RASSF2: variants seen among roughly 807,000 people sequenced by gnomAD.
RASSF2 encodes ras association domain-containing protein 2.
Under a neutral mutation model 46.3 loss-of-function variants are expected in RASSF2, and 34 were observed. The ratio of observed to expected loss-of-function variants is 0.73; its 90% CI spans 0.56 to 0.98. The LOEUF is 0.98. RASSF2 is among the 50% of genes least tolerant of loss of function. The pLI is 0.00. For missense variants in RASSF2, 364 were observed against 431.2 expected (o/e 0.84, Z 1.38); for synonymous variants, 158 against 162.5 (o/e 0.97, Z 0.21).
At position 4,783,410 on chromosome 20, in the gene RASSF2, A is replaced by G. The variant is rs1239267345; in HGVS notation, c.*863T>C. The G allele has an allele frequency of 2.0e-5, 3 of 152,368 alleles. No individual in the cohort carries two copies. The highest frequency in any genetic ancestry group is 7.2e-5 in the African/African-American group (3 of 41,446). 9.4% of individuals were successfully genotyped at this position (152,368 alleles called of 1,614,324 possible). A position where few individuals can be genotyped will look rare whatever the true frequency, so the allele number is the denominator to read the frequency against. ...CAGCGAGATCTTTGTTTCTTGAGAC[A>G]TTTCCTTCCACTCAAGGAAGCGCCA... On this transcript the variant is annotated 3_prime_UTR_variant, in exon 12 of 12. Transcript: ENST00000379400.
intron 2 of RASSF2, among the ~76,000 whole-genome samples, chr20:4,818,094 C>A (rs1406730398): frequency 2.0e-5 from 3 of 151,986 alleles, no homozygotes; most frequent in Non-Finnish European, 2.9e-5. Context: ...TGGTGAAACC[C>A]CATATCTACT....
intron 2 of RASSF2, among the ~76,000 whole-genome samples, chr20:4,806,172 G>A (rs928480488): frequency 6.6e-6 from 1 of 152,216 alleles, no homozygotes; most frequent in African/African-American, 2.4e-5. Flanking sequence ...GGAAGCCCAG[G>A]AAACAAGGGG....
At chr20:4,792,653 G>T (rs764470638) in intron 5 of RASSF2, 26 bp from the exon 6 acceptor site, 5 of 1,611,660 alleles carry the variant, frequency 3.1e-6, no homozygotes, top group Non-Finnish European at 4.2e-6. Context: ...ACAAAGGGGA[G>T]GGGGGAGACT....
intron 2 of RASSF2, among the ~76,000 whole-genome samples, chr20:4,804,341 T>C: frequency 7.0e-6 from 1 of 142,968 alleles, no homozygotes; most frequent in East Asian, 2.1e-4. Flanking sequence ...GTCGAGCTAG[T>C]GAGAAAGCTT....
chr20:4,797,932 T>C, intron 4 of RASSF2, 78 bp downstream of exon 4: 1 of 1,585,970 alleles, frequency 6.3e-7, no homozygotes. Flanking sequence ...TCTTGGGACC[T>C]CAGGGACCTT....
Position 4,782,606 on chromosome 20 carries a change from G to C in RASSF2, c.*1667C>G, listed in dbSNP as rs769056777. On this transcript the variant is annotated 3_prime_UTR_variant, in exon 12 of 12. Coordinates refer to ENST00000379400, the MANE Select transcript of RASSF2 (RefSeq NM_014737.3). ...CGCATGCCATCTTTCTGCAGTCTAC[G>C]TTAAGACCACAGCTGTGAGCCTTCT... 6.6e-6 allele frequency: 1 copy of C among 152,236 alleles called. No homozygotes were observed. The highest frequency in any genetic ancestry group is 1.5e-5 in the Non-Finnish European group (1 of 68,092). 9.4% of individuals were successfully genotyped at this position (152,236 alleles called of 1,614,324 possible).
chr20:4,797,479 A>T (rs909881547), intron 4 of RASSF2, among the ~76,000 whole-genome samples: 1 of 152,184 alleles, frequency 6.6e-6, no homozygotes, highest in Admixed American at 6.5e-5. Context: ...AGAGAAATGG[A>T]TACAGGATGA....
Position 4,812,079 on chromosome 20 carries a change from C to G in RASSF2, c.-33+10250G>C, listed in dbSNP as rs951275139. ...ACAGGAAACCCCAGCCCCATTGCAC[C>G]ACACGAGGAAGGAGACTTGAGCTGC... On this transcript the variant is annotated intron_variant, in intron 2 of 11. Coordinates refer to ENST00000379400, the MANE Select transcript of RASSF2 (RefSeq NM_014737.3). The surrounding 1 kb of genome is among the most constrained non-coding windows in gnomAD (Gnocchi z 4.0). 2.0e-5 allele frequency among the ~76,000 whole-genome samples: 3 copies of G among 152,152 alleles called. No homozygotes were observed. The highest frequency in any genetic ancestry group is 4.4e-5 in the Non-Finnish European group (3 of 68,014).
intron 2 of RASSF2, among the ~76,000 whole-genome samples, chr20:4,818,202 G>A (rs1027581247): frequency 3.3e-5 from 5 of 152,084 alleles, no homozygotes; most frequent in Non-Finnish European, 7.4e-5. Context: ...GGGAGGTAGA[G>A]GTTGTAGTGA....
At chr20:4,806,088 T>C (rs1927320849) in intron 2 of RASSF2, among the ~76,000 whole-genome samples, 1 of 152,110 alleles carries the variant, frequency 6.6e-6, no homozygotes, top group Non-Finnish European at 1.5e-5. Context: ...AGGGTTCCCA[T>C]TAACCCAGTT....
intron 4 of RASSF2, among the ~76,000 whole-genome samples, chr20:4,796,794 T>C (rs1926390772): frequency 6.6e-6 from 1 of 152,250 alleles, no homozygotes; most frequent in Non-Finnish European, 1.5e-5. Context: ...AGGAAAGCTA[T>C]TTAAGAACTA....
rs144840764 is a variant in RASSF2 at position 4,786,550 on chromosome 20, T to C, written c.814-222A>G. Among the ~76,000 whole-genome samples, 183 of 152,336 alleles carry C rather than the reference T, an allele frequency of 1.2e-3. 2 individuals carry two copies. The highest frequency in any genetic ancestry group is 0.011 in the Admixed American group (169 of 15,310). On this transcript the variant is annotated intron_variant, in intron 10 of 11. Transcript: ENST00000379400. ...TGACACCATCTCATAACTTCTCATT[T>C]TTCATGTCATGCATTCAATTCATGA...
At chr20:4,800,934 G>GT (rs1926813377) in intron 3 of RASSF2, 38 bp downstream of exon 3, 2 of 1,543,740 alleles carry the variant, frequency 1.3e-6, no homozygotes, top group African/African-American at 2.7e-5. Flanking sequence ...GCACGGGACT[G>GT]GTCACTGAGG....
In RASSF2 at chr20:4,795,721, G is replaced by C. The variant is rs6052886; in HGVS notation, c.287+94C>G. 206,649 of 1,459,772 alleles carry C rather than the reference G, an allele frequency of 0.14. 15,926 individuals are homozygous for C. The highest frequency in any genetic ancestry group is 0.28 in the East Asian group (11,004 of 39,012). 90.4% of individuals were successfully genotyped at this position (1,459,772 alleles called of 1,614,324 possible). ...TAGTAGGAGGAGGAGCCAGGGTCAG[G>C]GCTGGCTGGAAGAAGGCAGCATTTA... is the stretch of plus-strand genomic sequence containing the variant. On this transcript the variant is annotated intron_variant, in intron 5 of 11. Coordinates refer to ENST00000379400, the MANE Select transcript of RASSF2 (RefSeq NM_014737.3). The surrounding 1 kb of genome is among the most constrained non-coding windows in gnomAD (Gnocchi z 4.0).
At chr20:4,819,215 G>A (rs1475812335) in intron 2 of RASSF2, among the ~76,000 whole-genome samples, 3 of 151,984 alleles carry the variant, frequency 2.0e-5, no homozygotes, top group Non-Finnish European at 4.4e-5. Context: ...CACCCACCTC[G>A]GCCTCCCAAA....
At chr20:4,785,130 CA>C (rs1344324004) in intron 11 of RASSF2, among the ~76,000 whole-genome samples, 1 of 80,542 alleles carries the variant, frequency 1.2e-5, no homozygotes, top group Middle Eastern at 0.014. Context: ...GCCAACATGG[CA>C]AAACCCCGTC....
intron 4 of RASSF2, among the ~76,000 whole-genome samples, chr20:4,797,645 T>C (rs1926461289): frequency 6.6e-6 from 1 of 152,136 alleles, no homozygotes; most frequent in South Asian, 2.1e-4. Context: ...TGGGCCCAAA[T>C]GTTTAAACAC....
At position 4,784,121 on chromosome 20, in the gene RASSF2, C is replaced by T; in HGVS notation, c.*152G>A. 1.4e-6 allele frequency: 1 copy of T among 734,894 alleles called. No individual in the cohort carries two copies. Among genetic ancestry groups the T allele is most frequent in the Non-Finnish European group, 2.4e-6 (1 of 424,678 alleles). The allele number at this position is 734,894 out of a possible 1,614,324, so 45.5% of individuals were successfully genotyped here. A position where few individuals can be genotyped will look rare whatever the true frequency, so the allele number is the denominator to read the frequency against. ...GGGATAGGGAGCTGTCTGCTGACTT[C>T]TACATCCAGCTCCAGGTAGCAAATG... On this transcript the variant is annotated 3_prime_UTR_variant, in exon 12 of 12. Transcript: ENST00000379400.
chr20:4,790,683 C>A lies in RASSF2; in HGVS notation c.377-72G>T. 1 of 1,287,652 alleles carries A rather than the reference C, an allele frequency of 7.8e-7. No individual in the cohort carries two copies. The highest frequency in any genetic ancestry group is 1.0e-6 in the Non-Finnish European group (1 of 954,874). The allele number at this position is 1,287,652 out of a possible 1,614,324, so 79.8% of individuals were successfully genotyped here. ...ATGGCACATGGTCCCCAATTTGTGG[C>A]CAGTGCGACAGCACCCACTGTCTCC... On this transcript the variant is annotated intron_variant, in intron 6 of 11. Transcript: ENST00000379400. The surrounding 1 kb of genome is among the most constrained non-coding windows in gnomAD (Gnocchi z 4.3).
Sources: gnomAD v4.1 joint callset for allele counts (sites outside exome capture counted in the v4.1 genomes callset) on GRCh38, gnomAD v4.1.1 for gene constraint, Gnocchi (gnomAD v3.1) non-coding constraint, MANE v1.5 for transcripts, NCBI Gene and HGNC (gene_info 2026-07-23, HGNC 2026-07-21) for gene names.